Variants in DOCK5 observed in about 807,000 individuals in gnomAD.
DOCK5 encodes the protein dedicator of cytokinesis protein 5.
A neutral mutation model predicts 251.8 loss-of-function variants in DOCK5; 142 were observed. That is an observed-to-expected ratio of 0.56 (90% CI 0.49 to 0.65). The LOEUF is 0.65. Among genes scored for constraint, DOCK5 ranks in the 30% least tolerant of loss-of-function variants. The pLI, the probability that DOCK5 is intolerant of heterozygous loss-of-function variation, is 0.00. For missense variants in DOCK5, 2,111 were observed against 2,312.3 expected, an observed-to-expected ratio of 0.91 and a Z score of 1.79; for synonymous variants, 842 against 835.5, an observed-to-expected ratio of 1.01 and a Z score of -0.13.
chr8:25,328,990 G>A (rs1805624397), intron 18 of DOCK5, among the ~76,000 whole-genome samples: 1 of 152,182 alleles, frequency 6.6e-6, no homozygotes, highest in Admixed American at 6.5e-5. Context: ...GCAGCTCTTT[G>A]TAGCTCCAAA....
At chr8:25,376,103 G>GAAAAAAAAAAA (rs59845416) in intron 37 of DOCK5, 3 of 715,328 alleles carry the variant, frequency 4.2e-6, no homozygotes, top group African/African-American at 2.1e-5. Context: ...TGTCTCAAAA[G>GAAAAAAAAAAA]AAAAAAAAAA....
In DOCK5 at chr8:25,308,870, C is replaced by T. The variant is rs1196441511; in HGVS notation, c.1137C>T (p.Leu379=). 6 of 1,613,904 alleles carry T rather than the reference C, an allele frequency of 3.7e-6. No homozygotes were observed. The highest frequency in any genetic ancestry group is 5.1e-6 in the Non-Finnish European group (6 of 1,179,850). ...ACGTGATTGGGGAGAATGAGCCACT[C>T]ACTTCAGTCTTGAATAAAGTGATTG... ...TSHVIGENEP[L]TSVLNKVIAA... is the part of the protein sequence containing the mutation. The change falls in exon 12 of 52, where the codon CTC becomes CTT. Residue 379 remains leucine, a synonymous_variant. Coordinates refer to ENST00000276440, the MANE Select transcript of DOCK5 (RefSeq NM_024940.8).
chr8:25,270,013 G>C (rs1170639405), intron 3 of DOCK5, among the ~76,000 whole-genome samples: 2 of 152,120 alleles, frequency 1.3e-5, no homozygotes, highest in African/African-American at 4.8e-5. Flanking sequence ...GACTGCTTCT[G>C]CATTGTTGAT....
chr8:25,314,032 G>A (rs1805167989), intron 13 of DOCK5, among the ~76,000 whole-genome samples: 1 of 150,882 alleles, frequency 6.6e-6, no homozygotes, highest in African/African-American at 2.4e-5. Context: ...CTTCAAATCT[G>A]TAGCTCCAGG....
chr8:25,401,520 G>T (rs1186574509), intron 47 of DOCK5, among the ~76,000 whole-genome samples: 3 of 152,136 alleles, frequency 2.0e-5, no homozygotes, highest in Non-Finnish European at 4.4e-5. Context: ...ATCACTTGTG[G>T]TCAGGAGTTC....
intron 37 of DOCK5, chr8:25,376,751 T>G (rs561183803): frequency 6.6e-6 from 1 of 152,414 alleles, no homozygotes; most frequent in South Asian, 2.1e-4. Flanking sequence ...GCATATTCCT[T>G]GTAATGTTCA....
chr8:25,269,550 A>G (rs1803850212), intron 3 of DOCK5, among the ~76,000 whole-genome samples: 1 of 152,200 alleles, frequency 6.6e-6, no homozygotes, highest in African/African-American at 2.4e-5. Flanking sequence ...TTACTGTGCA[A>G]CAAAGGCACA....
intron 39 of DOCK5, 84 bp from the exon 40 acceptor site, chr8:25,382,590 A>G (rs1236961427): frequency 9.0e-7 from 1 of 1,108,686 alleles, no homozygotes; most frequent in Non-Finnish European, 1.3e-6. Context: ...TTACGTGGGA[A>G]ACAACAAAAC....
intron 2 of DOCK5, among the ~76,000 whole-genome samples, chr8:25,245,502 G>T (rs1803075020): frequency 6.6e-6 from 1 of 151,370 alleles, no homozygotes; most frequent in African/African-American, 2.4e-5. Flanking sequence ...ATGTGGGCTT[G>T]GAAAGAATGT....
At chr8:25,348,478 C>T (rs1266673350) in intron 26 of DOCK5, among the ~76,000 whole-genome samples, 3 of 152,172 alleles carry the variant, frequency 2.0e-5, no homozygotes, top group African/African-American at 7.2e-5. Flanking sequence ...TGACAGTGAA[C>T]TAGAGAAGCA....
intron 41 of DOCK5, 89 bp from the exon 42 acceptor site, chr8:25,390,117 T>G (rs759305364): frequency 7.9e-6 from 9 of 1,139,764 alleles, no homozygotes; most frequent in Non-Finnish European, 9.9e-6. Context: ...TGGTGGCATT[T>G]CCGGCTGTGA....
chr8:25,256,472 C>G (rs1803422765), intron 2 of DOCK5, among the ~76,000 whole-genome samples: 1 of 151,866 alleles, frequency 6.6e-6, no homozygotes, highest in South Asian at 2.1e-4. Context: ...AAACCCGTCT[C>G]TACTAAAAAT....
At chr8:25,231,064 C>A (rs761466724) in intron 1 of DOCK5, among the ~76,000 whole-genome samples, 7 of 151,974 alleles carry the variant, frequency 4.6e-5, no homozygotes, top group Non-Finnish European at 1.5e-5. Flanking sequence ...TTCATTTCCT[C>A]CTTTTTTTTC....
chr8:25,391,978 G>T lies in DOCK5; in HGVS notation c.4438G>T (p.Ala1480Ser), dbSNP rs1801267738. 1 of 1,613,500 alleles carries T rather than the reference G, an allele frequency of 6.2e-7. No homozygotes were observed. The highest frequency in any genetic ancestry group is 8.5e-7 in the Non-Finnish European group (1 of 1,179,666). Residue 1480 changes from alanine to serine, a missense_variant and splice_region_variant, in exon 43 of 52, where the codon GCT becomes TCT. Transcript: ENST00000276440. ...KGEKDPDNEF[A>S]TMWIERTTYT... ...AGAAAAGGATCCAGACAATGAATTT[G>T]CTGTGAGTTCACCCCTTTTGTCCTT... is the stretch of plus-strand genomic sequence containing the variant.
chr8:25,320,299 T>C (rs1461997872), intron 15 of DOCK5, among the ~76,000 whole-genome samples: 1 of 152,224 alleles, frequency 6.6e-6, no homozygotes, highest in Non-Finnish European at 1.5e-5. Context: ...AATTTTTTAA[T>C]TGCATTCATA....
chr8:25,258,847 A>G (rs1362827359), intron 2 of DOCK5, among the ~76,000 whole-genome samples: 1 of 152,206 alleles, frequency 6.6e-6, no homozygotes, highest in East Asian at 1.9e-4. Flanking sequence ...GACCGGACAC[A>G]GTGGCTCACG....
intron 40 of DOCK5, among the ~76,000 whole-genome samples, chr8:25,386,916 G>A (rs1801175089): frequency 6.6e-6 from 1 of 152,208 alleles, no homozygotes; most frequent in African/African-American, 2.4e-5. Context: ...TACATCGCAG[G>A]AAAGTTTTGA....
chr8:25,292,217 G>A lies in DOCK5; in HGVS notation c.470+45G>A, dbSNP rs188260821. On this transcript the variant is annotated intron_variant, in intron 6 of 51. Coordinates refer to ENST00000276440, the MANE Select transcript of DOCK5 (RefSeq NM_024940.8). Reference sequence around the variant, plus strand: ...CTTTTCACTGAAAACTTGGCGAACAGTGGGCATGTTCACGCTAATGACACT... The same window carrying A: ...CTTTTCACTGAAAACTTGGCGAACAATGGGCATGTTCACGCTAATGACACT... 34 of 1,512,288 alleles carry A rather than the reference G, an allele frequency of 2.2e-5. No homozygotes were observed. The African/African-American group carries it at 4.6e-4, about 20-fold the overall frequency. 93.7% of individuals were successfully genotyped at this position (1,512,288 alleles called of 1,614,324 possible). A position where few individuals can be genotyped will look rare whatever the true frequency, so the allele number is the denominator to read the frequency against.
intron 38 of DOCK5, among the ~76,000 whole-genome samples, chr8:25,379,741 C>G (rs1264662362): frequency 6.6e-6 from 1 of 152,148 alleles, no homozygotes; most frequent in Non-Finnish European, 1.5e-5. Context: ...TTATGTTCCT[C>G]TGCCGCAGCT....
Sources: gnomAD v4.1 joint callset for allele counts (sites outside exome capture counted in the v4.1 genomes callset) on GRCh38, gnomAD v4.1.1 for gene constraint, MANE v1.5 for transcripts, NCBI Gene and HGNC (gene_info 2026-07-23, HGNC 2026-07-21) for gene names.